The following CYP51A1 variants were observed in gnomAD, a reference collection of about 807,000 sequenced individuals.
The protein encoded by CYP51A1 is cytochrome P450 family 51 subfamily A member 1.
A neutral mutation model predicts 53.5 loss-of-function variants in CYP51A1; 45 were observed. That is an observed-to-expected ratio of 0.84 (90% CI 0.66 to 1.08). CYP51A1 has a LOEUF of 1.08. CYP51A1 is among the 50% of genes least tolerant of loss of function. The pLI is 0.00. For synonymous variants in CYP51A1, 181 were observed against 217.7 expected, an observed-to-expected ratio of 0.83 and a Z score of 1.48; for missense variants, 462 against 621.7, an observed-to-expected ratio of 0.74 and a Z score of 2.73.
In CYP51A1 at chr7:92,131,885, A is replaced by G. The variant is rs1563182478; in HGVS notation, c.193-13T>C. ...ATGGAGGACTTTTCTACAAGAGAAA[A>G]AAATAGTAAATTCAATTCGTGTTTC... On this transcript the variant is annotated splice_polypyrimidine_tract_variant and intron_variant, in intron 1 of 9. Coordinates refer to ENST00000003100, the MANE Select transcript of CYP51A1 (RefSeq NM_000786.4). 16 of 1,434,828 alleles carry G rather than the reference A, an allele frequency of 1.1e-5. No homozygotes were observed. Among genetic ancestry groups the G allele is most frequent in the Non-Finnish European group, 1.6e-5 (16 of 1,018,820 alleles). 88.9% of individuals were successfully genotyped at this position (1,434,828 alleles called of 1,614,324 possible).
At chr7:92,126,621 A>C (rs752532782) in intron 4 of CYP51A1, among the ~76,000 whole-genome samples, 194 bp from the exon 5 acceptor site, 8 of 152,206 alleles carry the variant, frequency 5.3e-5, no homozygotes, top group Non-Finnish European at 1.5e-5. Context: ...TGTCCCTCTA[A>C]ACAGCCAAAA....
At chr7:92,114,591 A>G (rs1438075787) in intron 9 of CYP51A1, among the ~76,000 whole-genome samples, 1 of 152,158 alleles carries the variant, frequency 6.6e-6, no homozygotes, top group Non-Finnish European at 1.5e-5. Context: ...GAATAACTAG[A>G]TATTACATGG....
chr7:92,132,104 A>T (rs962513493), intron 1 of CYP51A1, among the ~76,000 whole-genome samples: 5 of 152,218 alleles, frequency 3.3e-5, no homozygotes, highest in Non-Finnish European at 7.3e-5. Context: ...AAGATAAACG[A>T]CCAGATAAAC....
chr7:92,123,971 C>G (rs1002500755), intron 5 of CYP51A1, 118 bp from the exon 6 acceptor site: 6 of 744,838 alleles, frequency 8.1e-6, no homozygotes, highest in African/African-American at 1.8e-5. Context: ...TTTAATGACT[C>G]TAAAATAATT....
intron 4 of CYP51A1, 44 bp from the exon 5 acceptor site, chr7:92,126,471 G>C: frequency 6.7e-7 from 1 of 1,496,524 alleles, no homozygotes; most frequent in Non-Finnish European, 9.0e-7. Context: ...TTTCCAAAAA[G>C]TGAAAGAAAA....
Position 92,112,350 on chromosome 7 carries a change from A to C in CYP51A1, c.*1315T>G, listed in dbSNP as rs192593756. ...TAGTTAGGCCCCGAGTTACAATTTG[A>C]GATAAGTTGATTCCTAAACAGAATG... On this transcript the variant is annotated 3_prime_UTR_variant, in exon 10 of 10. Coordinates refer to ENST00000003100, the MANE Select transcript of CYP51A1 (RefSeq NM_000786.4). 161 of 152,316 alleles carry C rather than the reference A, an allele frequency of 1.1e-3. 1 individual carries two copies. The highest frequency in any genetic ancestry group is 3.6e-3 in the African/African-American group (151 of 41,576). 9.4% of individuals were successfully genotyped at this position (152,316 alleles called of 1,614,324 possible). A position where few individuals can be genotyped will look rare whatever the true frequency, so the allele number is the denominator to read the frequency against.
intron 3 of CYP51A1, among the ~76,000 whole-genome samples, chr7:92,128,123 A>G (rs768504107): frequency 1.3e-5 from 2 of 152,252 alleles, no homozygotes; most frequent in Non-Finnish European, 2.9e-5. Context: ...TTCTGAAGTC[A>G]GCAATCTCTA....
At position 92,112,468 on chromosome 7, in the gene CYP51A1, G is replaced by GA. The variant is rs1819404204; in HGVS notation, c.*1196dup. On this transcript the variant is annotated 3_prime_UTR_variant, in exon 10 of 10. Transcript: ENST00000003100. ...GTTCACTGATCTCACATTTTAAAAA[G>GA]AAAAAAGTTTGTTAACTGTTTTAAT... 1 of 152,118 alleles carries GA rather than the reference G, an allele frequency of 6.6e-6. No individual in the cohort carries two copies. The highest frequency in any genetic ancestry group is 2.4e-5 in the African/African-American group (1 of 41,420). 9.4% of individuals were successfully genotyped at this position (152,118 alleles called of 1,614,324 possible).
intron 7 of CYP51A1, 51 bp from the exon 8 acceptor site, chr7:92,118,666 T>C: frequency 9.5e-7 from 1 of 1,051,198 alleles, no homozygotes; most frequent in South Asian, 1.3e-5. Context: ...ACTTCAACAG[T>C]ACAAAAAATT....
At position 92,134,390 on chromosome 7, in the gene CYP51A1, C is replaced by G; in HGVS notation, c.-26G>C. 6.5e-7 allele frequency: 1 copy of G among 1,540,510 alleles called. No homozygotes were observed. The highest frequency in any genetic ancestry group is 1.4e-5 in the African/African-American group (1 of 72,628). ...TCACTCCGTCGGAAACACTGAAGGC[C>G]GAGGTCGCCACCGCTCCTCCCAATC... On this transcript the variant is annotated 5_prime_UTR_variant, in exon 1 of 10. Transcript: ENST00000003100.
chr7:92,129,139 G>T, intron 2 of CYP51A1, 83 bp from the exon 3 acceptor site: 3 of 799,524 alleles, frequency 3.8e-6, no homozygotes, highest in Non-Finnish European at 5.7e-6. Flanking sequence ...ACAAAATAAT[G>T]CATTATTAAA....
At chr7:92,126,510 A>T in intron 4 of CYP51A1, 83 bp from the exon 5 acceptor site, 1 of 1,206,668 alleles carries the variant, frequency 8.3e-7, no homozygotes, top group Non-Finnish European at 1.1e-6. Context: ...ACTCAAGAAG[A>T]AACAAGATCC....
At chr7:92,129,509 C>T in intron 2 of CYP51A1, among the ~76,000 whole-genome samples, 1 of 152,132 alleles carries the variant, frequency 6.6e-6, no homozygotes. Context: ...ATAGTACCTG[C>T]TATGTGAAGA....
rs889964677 is a variant in CYP51A1, at chr7:92,114,731, G to A, written c.1352-888C>T. On this transcript the variant is annotated intron_variant, in intron 9 of 9. Transcript: ENST00000003100. ...AGGAGAATATCTTCATGACTCAGGG[G>A]CTAAGCAAAAATTTTAAGACAGGGC... Among the ~76,000 whole-genome samples the A allele has an allele frequency of 1.5e-4, 23 of 152,246 alleles. 1 individual carries two copies. Among genetic ancestry groups the A allele is most frequent in the African/African-American group, 5.1e-4 (21 of 41,556 alleles).
At chr7:92,122,571 G>A (rs1273626039) in intron 7 of CYP51A1, among the ~76,000 whole-genome samples, 1 of 152,098 alleles carries the variant, frequency 6.6e-6, no homozygotes, top group Non-Finnish European at 1.5e-5. Flanking sequence ...TATTAATATA[G>A]GACCAAAAGC....
At position 92,128,866 on chromosome 7, in the gene CYP51A1, A is replaced by G; in HGVS notation, c.468+14T>C. On this transcript the variant is annotated intron_variant, in intron 3 of 9. Coordinates refer to ENST00000003100, the MANE Select transcript of CYP51A1 (RefSeq NM_000786.4). ...TATAGATTTGTCTTTATTTATGGTA[A>G]CAGTGTCACCTACTGGATTAGGCAC... is the stretch of plus-strand genomic sequence containing the variant. 6.2e-7 allele frequency: 1 copy of G among 1,603,558 alleles called. No individual in the cohort carries two copies. Among genetic ancestry groups the G allele is most frequent in the Non-Finnish European group, 8.5e-7 (1 of 1,175,154 alleles).
chr7:92,128,565 C>G (rs767415868), intron 3 of CYP51A1, among the ~76,000 whole-genome samples: 4 of 151,656 alleles, frequency 2.6e-5, no homozygotes, highest in African/African-American at 9.7e-5. Context: ...CTCACTGCAA[C>G]CTCCGCCTCC....
In CYP51A1 at chr7:92,123,745, A is replaced by G. The variant is rs1819739111; in HGVS notation, c.879T>C (p.Asp293=). Residue 293 remains aspartate, a synonymous_variant, in exon 6 of 10, where the codon GAT becomes GAC. Transcript: ENST00000003100. ...TGAATAGCTCTTACTTGTATGTAGC[A>G]TCTAGTAAAGTTTGGAGAATGTCAT... ...KIDDILQTLL[D]ATYKDGRPLT... is the part of the protein sequence containing the mutation. 6.2e-7 allele frequency: 1 copy of G among 1,607,204 alleles called. No homozygotes were observed. The highest frequency in any genetic ancestry group is 1.7e-5 in the Admixed American group (1 of 59,176).
intron 5 of CYP51A1, among the ~76,000 whole-genome samples, chr7:92,125,061 G>T (rs1320813588): frequency 1.3e-5 from 2 of 150,354 alleles, no homozygotes; most frequent in Admixed American, 1.3e-4. Flanking sequence ...GGAGAATGGC[G>T]TGAACCTGGG....
Sources: allele counts gnomAD v4.1 joint callset (sites outside exome capture counted in the v4.1 genomes callset), GRCh38; gene constraint gnomAD v4.1.1; transcripts MANE v1.5; gene names NCBI Gene and HGNC (gene_info 2026-07-23, HGNC 2026-07-21).